The following ACER3 variants were observed in gnomAD, a reference collection of about 807,000 sequenced individuals.
ACER3 encodes alkaline ceramidase 3, also known as alkCDase 3.
Under a neutral mutation model 48.9 loss-of-function variants are expected in ACER3, and 16 were observed. The ratio of observed to expected loss-of-function variants is 0.33; its 90% CI spans 0.22 to 0.50. The LOEUF (loss-of-function observed/expected upper bound fraction) is 0.50. ACER3 is among the 20% of genes least tolerant of loss of function. The probability of loss-of-function intolerance (pLI) is 0.98; values close to 1 mark genes in which losing one functional copy is unlikely to be tolerated. For synonymous variants in ACER3, 109 were observed against 107.8 expected (o/e 1.01, Z -0.07); for missense variants, 227 against 326.0 (o/e 0.70, Z 2.34).
intron 2 of ACER3, among the ~76,000 whole-genome samples, chr11:76,932,845 C>T (rs906813406): frequency 6.6e-6 from 1 of 152,104 alleles, no homozygotes; most frequent in Non-Finnish European, 1.5e-5. Context: ...GAAGAGAGGA[C>T]TCAAGGGCCT....
rs1443488356 is a variant in ACER3, at chr11:77,024,836, G to A, written c.*4509G>A. 1 of 152,092 alleles carries A rather than the reference G, an allele frequency of 6.6e-6. No individual in the cohort carries two copies. The highest frequency in any genetic ancestry group is 6.6e-5 in the Admixed American group (1 of 15,264). The allele number at this position is 152,092 out of a possible 1,614,324, so 9.4% of individuals were successfully genotyped here. On this transcript the variant is annotated 3_prime_UTR_variant, in exon 11 of 11. Coordinates refer to ENST00000532485, the MANE Select transcript of ACER3 (RefSeq NM_018367.7). ...TCAAAGGCAGCTAGTGTAGAAGACTGGTCACAAGAATTTTTTTTTAAATAG... is the reference window on the plus strand; with the variant it reads ...TCAAAGGCAGCTAGTGTAGAAGACTAGTCACAAGAATTTTTTTTTAAATAG...
rs568267250 is a variant in ACER3, at chr11:76,989,258, GT to G, written c.403-1269del. 4.4e-3 allele frequency among the ~76,000 whole-genome samples: 621 copies of G among 142,130 alleles called. 1 individual carries two copies. The highest frequency in any genetic ancestry group is 0.013 in the African/African-American group (500 of 39,198). The allele number at this position is 142,130 out of a possible 152,430, so 93.2% of individuals were successfully genotyped here. A position where few individuals can be genotyped will look rare whatever the true frequency, so the allele number is the denominator to read the frequency against. ...GCTTAAAGGAAATAATCTGGGTTTG[GT>G]TTTTTTTTTTTGTACTGAGGGTAGA... On this transcript the variant is annotated intron_variant, in intron 5 of 10. Coordinates refer to ENST00000532485, the MANE Select transcript of ACER3 (RefSeq NM_018367.7).
At chr11:76,880,374 G>T (rs1945492234) in intron 1 of ACER3, among the ~76,000 whole-genome samples, 1 of 152,162 alleles carries the variant, frequency 6.6e-6, no homozygotes, top group Non-Finnish European at 1.5e-5. Flanking sequence ...GATGTGTGGG[G>T]ATTTCTCCCC....
At chr11:76,900,963 A>G (rs530062478) in intron 1 of ACER3, among the ~76,000 whole-genome samples, 29 of 152,306 alleles carry the variant, frequency 1.9e-4, no homozygotes, top group African/African-American at 6.5e-4. Context: ...CAACATCTGG[A>G]CACAATTTTC....
chr11:76,917,385 A>AT (rs779362313), intron 1 of ACER3, among the ~76,000 whole-genome samples: 5 of 152,114 alleles, frequency 3.3e-5, no homozygotes, highest in African/African-American at 7.2e-5. Context: ...TAAATTAAAT[A>AT]TTTTTCTAAA....
intron 8 of ACER3, among the ~76,000 whole-genome samples, chr11:77,016,110 GAAA>G (rs140924381): frequency 7.9e-6 from 1 of 126,378 alleles, no homozygotes. Flanking sequence ...CCGTCTCAGG[GAAA>G]AAAAAAAAAA....
rs183655277 is a variant in ACER3 at position 76,998,610 on chromosome 11, A to C, written c.439-153A>C. The C allele has an allele frequency of 2.8e-5, 16 of 571,340 alleles. No individual in the cohort carries two copies. The Admixed American group carries it at 6.1e-4, about 22-fold the overall frequency. The allele number at this position is 571,340 out of a possible 1,614,324, so 35.4% of individuals were successfully genotyped here. A position where few individuals can be genotyped will look rare whatever the true frequency, so the allele number is the denominator to read the frequency against. On this transcript the variant is annotated intron_variant, in intron 6 of 10. Transcript: ENST00000532485. ...CCTCAGAAGTTAGCATGATTTAGTG[A>C]TTTAACACATTTTTTAACATTCTAT...
Position 76,996,719 on chromosome 11 carries a change from C to CTT in ACER3, c.439-2023_439-2022dup, listed in dbSNP as rs36108857. On this transcript the variant is annotated intron_variant, in intron 6 of 10. Transcript: ENST00000532485. Reference sequence around the variant, plus strand: ...ACAGGCATGAGCCACCCCACCCAGCCTTTTTTTTTTTTTTTTTTTTTTCTG... The same window carrying CTT: ...ACAGGCATGAGCCACCCCACCCAGCCTTTTTTTTTTTTTTTTTTTTTTTTCTG... Among the ~76,000 whole-genome samples, 999 of 138,320 alleles carry CTT rather than the reference C, an allele frequency of 7.2e-3. 25 individuals are homozygous for CTT. Among genetic ancestry groups the CTT allele is most frequent in the African/African-American group, 0.027 (953 of 35,712 alleles). 90.7% of individuals were successfully genotyped at this position (138,320 alleles called of 152,430 possible).
intron 5 of ACER3, among the ~76,000 whole-genome samples, chr11:76,988,546 T>A (rs1041235234): frequency 6.6e-6 from 1 of 152,126 alleles, no homozygotes; most frequent in Non-Finnish European, 1.5e-5. Context: ...TCAGATCTCA[T>A]GAGAACTCAC....
At chr11:76,891,404 C>T (rs561266423) in intron 1 of ACER3, among the ~76,000 whole-genome samples, 16 of 152,006 alleles carry the variant, frequency 1.1e-4, no homozygotes, top group Non-Finnish European at 1.6e-4. Context: ...CTTCTGCTGC[C>T]CTCCTTTCAC....
In ACER3 at chr11:76,897,776, G is replaced by A. The variant is rs189871151; in HGVS notation, c.104-28781G>A. Reference sequence around the variant, plus strand: ...AAACATCTTCTAAATACCCAGGAATGAATAATCATAGTTTACTTGTCAGTT... The same window carrying A: ...AAACATCTTCTAAATACCCAGGAATAAATAATCATAGTTTACTTGTCAGTT... On this transcript the variant is annotated intron_variant, in intron 1 of 10. Coordinates refer to ENST00000532485, the MANE Select transcript of ACER3 (RefSeq NM_018367.7). Among the ~76,000 whole-genome samples, 252 of 152,222 alleles carry A rather than the reference G, an allele frequency of 1.7e-3. 1 individual carries two copies. The highest frequency in any genetic ancestry group is 0.014 in the Middle Eastern group (4 of 294).
At chr11:76,881,030 C>A (rs1473317240) in intron 1 of ACER3, among the ~76,000 whole-genome samples, 1 of 151,782 alleles carries the variant, frequency 6.6e-6, no homozygotes, top group African/African-American at 2.4e-5. Flanking sequence ...GTGAGGTAGG[C>A]GGATTGTTTG....
At chr11:76,913,186 A>G (rs1246275922) in intron 1 of ACER3, among the ~76,000 whole-genome samples, 3 of 152,062 alleles carry the variant, frequency 2.0e-5, no homozygotes, top group African/African-American at 4.8e-5. Context: ...TTATTGGTGT[A>G]TAAGAATGCT....
chr11:76,973,917 G>T (rs192257503), intron 3 of ACER3, among the ~76,000 whole-genome samples: 1 of 151,994 alleles, frequency 6.6e-6, no homozygotes, highest in African/African-American at 2.4e-5. Context: ...ATGAGGTAGG[G>T]GTCTGGCTTC....
At chr11:76,871,748 A>G (rs548239238) in intron 1 of ACER3, among the ~76,000 whole-genome samples, 5 of 152,338 alleles carry the variant, frequency 3.3e-5, no homozygotes, top group Admixed American at 3.3e-4. Flanking sequence ...TGGAAAGGGA[A>G]GGGAATTCTC....
chr11:76,976,702 C>A lies in ACER3; in HGVS notation c.320+361C>A, dbSNP rs572230969. Among the ~76,000 whole-genome samples the A allele has an allele frequency of 2.6e-5, 4 of 152,308 alleles. No individual in the cohort carries two copies. The South Asian group carries it at 8.3e-4, about 32-fold the overall frequency. On this transcript the variant is annotated intron_variant, in intron 4 of 10. Transcript: ENST00000532485. ...ACAATATAGTTTAACAAGACGCTTACCAGAAAAGTGAGGTACACTTCTAGT... is the reference window on the plus strand; with the variant it reads ...ACAATATAGTTTAACAAGACGCTTAACAGAAAAGTGAGGTACACTTCTAGT...
intron 4 of ACER3, among the ~76,000 whole-genome samples, chr11:76,985,217 C>G (rs927090836): frequency 3.3e-5 from 5 of 152,178 alleles, no homozygotes; most frequent in Non-Finnish European, 7.3e-5. Context: ...TCTCCTCCCA[C>G]CTTAGCCTCC....
Position 76,860,961 on chromosome 11 carries a change from C to A in ACER3, c.-16C>A. On this transcript the variant is annotated 5_prime_UTR_variant, in exon 1 of 11. Transcript: ENST00000532485. Reference sequence around the variant, plus strand: ...CACAGTGAGCGGAGCGCCTGGGCGGCGGCGGCGGCGGCGTGATGGCTCCGG... The same window carrying A: ...CACAGTGAGCGGAGCGCCTGGGCGGAGGCGGCGGCGGCGTGATGGCTCCGG... The A allele has an allele frequency of 6.6e-7, 1 of 1,514,012 alleles. No individual in the cohort carries two copies. The highest frequency in any genetic ancestry group is 8.9e-7 in the Non-Finnish European group (1 of 1,127,524). The allele number at this position is 1,514,012 out of a possible 1,614,324, so 93.8% of individuals were successfully genotyped here.
intron 1 of ACER3, among the ~76,000 whole-genome samples, chr11:76,877,316 G>T (rs1280084434): frequency 6.6e-6 from 1 of 152,088 alleles, no homozygotes; most frequent in Non-Finnish European, 1.5e-5. Context: ...ACAGCAAGTA[G>T]AAGGACTGGC....
Sources: gnomAD v4.1 joint callset for allele counts (sites outside exome capture counted in the v4.1 genomes callset) on GRCh38, gnomAD v4.1.1 for gene constraint, MANE v1.5 for transcripts, NCBI Gene and HGNC (gene_info 2026-07-23, HGNC 2026-07-21) for gene names.